Variants in SETBP1 observed in about 807,000 individuals in gnomAD.
The protein encoded by SETBP1 is SET-binding protein.
In SETBP1, 9 loss-of-function variants were observed where a neutral mutation model predicts 101.0. The observed-to-expected ratio is 0.09, with a 90% CI of 0.05 to 0.16. The LOEUF is 0.16. Among genes scored for constraint, SETBP1 ranks in the 10% least tolerant of loss-of-function variants. The probability of loss-of-function intolerance (pLI) is 1.00; values close to 1 mark genes in which losing one functional copy is unlikely to be tolerated. For missense variants in SETBP1, 1,858 were observed against 2,033.8 expected, an observed-to-expected ratio of 0.91 and a Z score of 1.66; for synonymous variants, 818 against 788.5, an observed-to-expected ratio of 1.04 and a Z score of -0.63.
intron 3 of SETBP1, among the ~76,000 whole-genome samples, chr18:44,898,948 T>G (rs994103155): frequency 4.6e-5 from 7 of 152,204 alleles, no homozygotes; most frequent in African/African-American, 9.6e-5. Context: ...CTGCTGTCAC[T>G]TATACCTCAA....
intron 2 of SETBP1, among the ~76,000 whole-genome samples, chr18:44,729,820 G>C (rs1208432853): frequency 6.6e-6 from 1 of 152,244 alleles, no homozygotes; most frequent in East Asian, 1.9e-4. Flanking sequence ...TTTGCAAAGA[G>C]TGGTCTGGCT....
intron 3 of SETBP1, among the ~76,000 whole-genome samples, chr18:44,907,815 C>T (rs2070210927): frequency 6.6e-6 from 1 of 152,118 alleles, no homozygotes; most frequent in African/African-American, 2.4e-5. Flanking sequence ...CACTTTCATG[C>T]CAGTGACCTT....
intron 3 of SETBP1, among the ~76,000 whole-genome samples, chr18:44,894,703 C>T (rs2069851076): frequency 6.6e-6 from 1 of 151,792 alleles, no homozygotes; most frequent in Admixed American, 6.6e-5. Context: ...CCATTTTATT[C>T]AATTAAAGTA....
intron 2 of SETBP1, among the ~76,000 whole-genome samples, chr18:44,784,150 A>G (rs2071191237): frequency 1.3e-5 from 2 of 152,322 alleles, no homozygotes; most frequent in South Asian, 4.1e-4. Context: ...AGATATTCTA[A>G]TTGTGGACTT....
At chr18:45,025,316 A>G (rs1190011142) in intron 4 of SETBP1, among the ~76,000 whole-genome samples, 1 of 152,214 alleles carries the variant, frequency 6.6e-6, no homozygotes, top group East Asian at 1.9e-4. Context: ...GCCTCAGGAC[A>G]TCTAGAAATT....
chr18:45,041,614 A>T (rs569784974), intron 5 of SETBP1, among the ~76,000 whole-genome samples: 3 of 152,324 alleles, frequency 2.0e-5, no homozygotes, highest in South Asian at 4.1e-4. Context: ...GCAATCGTGT[A>T]TTGAGATAAG....
intron 2 of SETBP1, among the ~76,000 whole-genome samples, chr18:44,742,399 T>C (rs74574423): frequency 0.023 from 3,428 of 152,288 alleles, 140 homozygotes; most frequent in African/African-American, 0.078. Context: ...AGTTAGCACC[T>C]TTTTTGTCTC....
intron 4 of SETBP1, among the ~76,000 whole-genome samples, chr18:45,026,450 T>C (rs1325462445): frequency 6.6e-6 from 1 of 152,226 alleles, no homozygotes; most frequent in Non-Finnish European, 1.5e-5. Context: ...CAGGAAGGAC[T>C]GGACTAGCTT....
intron 2 of SETBP1, among the ~76,000 whole-genome samples, chr18:44,830,230 C>G (rs1235254040): frequency 6.6e-6 from 1 of 152,148 alleles, no homozygotes; most frequent in Non-Finnish European, 1.5e-5. Flanking sequence ...ATTTTCCAAA[C>G]TAATTTGACC....
At chr18:44,909,810 T>C (rs536461978) in intron 3 of SETBP1, among the ~76,000 whole-genome samples, 1 of 152,348 alleles carries the variant, frequency 6.6e-6, no homozygotes, top group East Asian at 1.9e-4. Context: ...ATCCGAGACG[T>C]ACCATGCTAT....
At chr18:44,682,650 G>C (rs1182032892) in intron 1 of SETBP1, among the ~76,000 whole-genome samples, 2 of 152,206 alleles carry the variant, frequency 1.3e-5, no homozygotes, top group Non-Finnish European at 2.9e-5. Flanking sequence ...TTAAGACAGA[G>C]TGTTTGGGGG....
rs1599514773 is a variant in SETBP1 at position 45,065,194 on chromosome 18, G to C, written c.*1496G>C. On this transcript the variant is annotated 3_prime_UTR_variant, in exon 6 of 6. Transcript: ENST00000649279. ...CATTTCCACAGCCCAAATAAAATAT[G>C]TTAAGCAGGCTCAGAATGAATATGA... is the stretch of plus-strand genomic sequence containing the variant. 1 of 152,272 alleles carries C rather than the reference G, an allele frequency of 6.6e-6. No individual in the cohort carries two copies. Among genetic ancestry groups the C allele is most frequent in the Non-Finnish European group, 1.5e-5 (1 of 68,028 alleles). The allele number at this position is 152,272 out of a possible 1,614,324, so 9.4% of individuals were successfully genotyped here.
intron 3 of SETBP1, among the ~76,000 whole-genome samples, chr18:44,947,492 CT>C (rs58509226): frequency 0.034 from 3,879 of 114,212 alleles, 121 homozygotes; most frequent in African/African-American, 0.11. Flanking sequence ...GTTTGTCCCA[CT>C]TTTTTTTTTT....
At chr18:44,889,424 T>C (rs1160425839) in intron 3 of SETBP1, among the ~76,000 whole-genome samples, 1 of 152,176 alleles carries the variant, frequency 6.6e-6, no homozygotes, top group Admixed American at 6.5e-5. Context: ...TAGCTTAGAC[T>C]GTTTTGATTC....
chr18:44,871,199 A>G, intron 3 of SETBP1: 1 of 152,144 alleles, frequency 6.6e-6, no homozygotes, highest in Non-Finnish European at 1.5e-5. Context: ...CCCAGATCAA[A>G]GTTAATTCTC....
intron 2 of SETBP1, among the ~76,000 whole-genome samples, chr18:44,722,619 A>G (rs1052391839): frequency 1.3e-5 from 2 of 152,238 alleles, no homozygotes; most frequent in Non-Finnish European, 2.9e-5. Flanking sequence ...CATGGCCACC[A>G]TGATTTCTGT....
At chr18:45,037,692 T>C (rs1329370375) in intron 4 of SETBP1, among the ~76,000 whole-genome samples, 1 of 152,120 alleles carries the variant, frequency 6.6e-6, no homozygotes. Flanking sequence ...AAATTTCTAG[T>C]TCCTTACAGG....
intron 4 of SETBP1, among the ~76,000 whole-genome samples, chr18:45,006,633 A>G (rs1272915755): frequency 2.6e-5 from 4 of 151,978 alleles, no homozygotes; most frequent in African/African-American, 9.7e-5. Context: ...CGCCCTGTGT[A>G]CAGGCCTGTG....
intron 2 of SETBP1, among the ~76,000 whole-genome samples, chr18:44,713,495 G>T (rs2069391582): frequency 6.6e-6 from 1 of 152,080 alleles, no homozygotes; most frequent in African/African-American, 2.4e-5. Context: ...TGGTTCCTGT[G>T]CTGGGAATAC....
Sources: gnomAD v4.1 joint callset for allele counts (sites outside exome capture counted in the v4.1 genomes callset) on GRCh38, gnomAD v4.1.1 for gene constraint, MANE v1.5 for transcripts, NCBI Gene and HGNC (gene_info 2026-07-23, HGNC 2026-07-21) for gene names.